HSPBAP1: variants seen among roughly 807,000 people sequenced by gnomAD.
HSPBAP1 encodes HSPB1 associated protein 1.
HSPBAP1 carries 27 observed loss-of-function variants against 45.2 expected under a neutral mutation model. That is an observed-to-expected ratio of 0.60 (90% confidence interval 0.44 to 0.82). The LOEUF is 0.82. HSPBAP1 is among the 40% of genes least tolerant of loss of function. The probability of loss-of-function intolerance (pLI) is 0.00; values close to 1 mark genes in which losing one functional copy is unlikely to be tolerated. For missense variants in HSPBAP1, 510 were observed against 590.9 expected (o/e 0.86, Z 1.42); for synonymous variants, 204 against 202.7 (o/e 1.01, Z -0.06).
At chr3:122,778,633 C>CG (rs1471589355) in intron 1 of HSPBAP1, among the ~76,000 whole-genome samples, 3 of 151,540 alleles carry the variant, frequency 2.0e-5, no homozygotes, top group African/African-American at 7.3e-5. Context: ...AGGTTCACGC[C>CG]GTTCTCCTGC....
rs765363204 is a variant in HSPBAP1 at position 122,745,926 on chromosome 3, T to C, written c.826-4813A>G. On this transcript the variant is annotated intron_variant, in intron 6 of 7. Coordinates refer to ENST00000306103, the MANE Select transcript of HSPBAP1 (RefSeq NM_024610.6). ...CAAACTGCAAAAGCTGCAGCCACAG[T>C]GCATAAGTGCTTAGTTAAAATGGAT... Among the ~76,000 whole-genome samples the C allele has an allele frequency of 7.5e-4, 114 of 152,218 alleles. 1 individual carries two copies. Among genetic ancestry groups the C allele is most frequent in the Non-Finnish European group, 2.5e-4 (17 of 68,040 alleles).
At chr3:122,756,565 G>T (rs976701752) in intron 4 of HSPBAP1, among the ~76,000 whole-genome samples, 12 of 152,008 alleles carry the variant, frequency 7.9e-5, no homozygotes, top group African/African-American at 2.9e-4. Flanking sequence ...AGGTGTGATG[G>T]TGTGTGCCTG....
intron 3 of HSPBAP1, among the ~76,000 whole-genome samples, chr3:122,762,495 T>G (rs1232813017): frequency 1.3e-5 from 2 of 152,164 alleles, no homozygotes; most frequent in African/African-American, 4.8e-5. Flanking sequence ...AGCAACTAAA[T>G]TATACCAAGG....
chr3:122,759,185 CCACACACACACACACA>C (rs10657578), intron 4 of HSPBAP1, 23 bp downstream of exon 4: 1 of 1,282,912 alleles, frequency 7.8e-7, no homozygotes, highest in African/African-American at 1.7e-5. Context: ...CATGTGCGTT[CCACACACACACACACA>C]CACACACACA....
At chr3:122,759,722 T>C (rs1224808085) in intron 3 of HSPBAP1, among the ~76,000 whole-genome samples, 1 of 152,208 alleles carries the variant, frequency 6.6e-6, no homozygotes, top group Non-Finnish European at 1.5e-5. Context: ...ATTATGCTGA[T>C]ATTTAGGGAA....
intron 1 of HSPBAP1, among the ~76,000 whole-genome samples, chr3:122,792,106 T>C (rs1424487509): frequency 6.6e-6 from 1 of 152,200 alleles, no homozygotes; most frequent in Non-Finnish European, 1.5e-5. Context: ...AGAGAGGTTA[T>C]AGAGTTTGGG....
chr3:122,755,213 G>T, intron 5 of HSPBAP1, 47 bp downstream of exon 5: 1 of 1,432,838 alleles, frequency 7.0e-7, no homozygotes, highest in Non-Finnish European at 9.3e-7. Flanking sequence ...GAGAGTTACA[G>T]CTGTGGTGTC....
At chr3:122,789,114 C>T (rs1256480318) in intron 1 of HSPBAP1, among the ~76,000 whole-genome samples, 1 of 152,128 alleles carries the variant, frequency 6.6e-6, no homozygotes, top group Non-Finnish European at 1.5e-5. Context: ...ACTCCTCCAC[C>T]CTTTGCCCCT....
intron 1 of HSPBAP1, among the ~76,000 whole-genome samples, chr3:122,791,105 T>C (rs1465915881): frequency 2.0e-5 from 3 of 152,210 alleles, no homozygotes; most frequent in Non-Finnish European, 4.4e-5. Context: ...ATCTTCACAA[T>C]AATCATGCAT....
intron 6 of HSPBAP1, among the ~76,000 whole-genome samples, chr3:122,747,172 A>G (rs1428763287): frequency 7.0e-6 from 1 of 143,334 alleles, no homozygotes; most frequent in Admixed American, 6.8e-5. Flanking sequence ...AGTGAGGAGC[A>G]TCTCTGCCCG....
chr3:122,740,416 G>A lies in HSPBAP1; in HGVS notation c.1396C>T (p.Leu466=), dbSNP rs761867999. 2 of 1,613,692 alleles carry A rather than the reference G, an allele frequency of 1.2e-6. No homozygotes were observed. Among genetic ancestry groups the A allele is most frequent in the Non-Finnish European group, 8.5e-7 (1 of 1,179,762 alleles). ...PQTFISTDDL[L]DCLVNPQVTR... is the part of the protein sequence containing the mutation. ...ACTTGTGGATTCACCAAGCAGTCCAGCAAGTCATCCGTAGAAATGAATGTT... is the reference window on the plus strand; with the variant it reads ...ACTTGTGGATTCACCAAGCAGTCCAACAAGTCATCCGTAGAAATGAATGTT... Residue 466 remains leucine, a synonymous_variant, in exon 8 of 8, where the codon CTG becomes TTG. Coordinates refer to ENST00000306103, the MANE Select transcript of HSPBAP1 (RefSeq NM_024610.6).
chr3:122,782,935 T>G (rs1196648472), intron 1 of HSPBAP1, among the ~76,000 whole-genome samples: 2 of 152,192 alleles, frequency 1.3e-5, no homozygotes, highest in African/African-American at 4.8e-5. Flanking sequence ...GGACAAAAAC[T>G]TGGAATCCCT....
At chr3:122,758,871 A>C (rs746945337) in intron 4 of HSPBAP1, 1 of 404,372 alleles carries the variant, frequency 2.5e-6, no homozygotes, top group South Asian at 1.8e-5. Flanking sequence ...ACAGAGCAAG[A>C]CTGTCTCAAA....
intron 6 of HSPBAP1, among the ~76,000 whole-genome samples, chr3:122,745,641 G>C (rs115761121): frequency 6.6e-6 from 1 of 152,186 alleles, no homozygotes. Flanking sequence ...CACTGTCATG[G>C]TATTTGCAGT....
intron 6 of HSPBAP1, among the ~76,000 whole-genome samples, chr3:122,747,951 T>TG (rs1464828941): frequency 6.6e-6 from 1 of 152,126 alleles, no homozygotes; most frequent in Non-Finnish European, 1.5e-5. Context: ...GGGGGAACGG[T>TG]GGGGAAAAGA....
At chr3:122,766,098 C>T (rs557236442) in intron 3 of HSPBAP1, among the ~76,000 whole-genome samples, 2 of 152,302 alleles carry the variant, frequency 1.3e-5, no homozygotes, top group East Asian at 1.9e-4. Context: ...TACAGCCAGA[C>T]ATCAAGAAGA....
chr3:122,792,640 C>G (rs889095485), intron 1 of HSPBAP1, among the ~76,000 whole-genome samples: 2 of 151,858 alleles, frequency 1.3e-5, no homozygotes, highest in Admixed American at 6.6e-5. Flanking sequence ...TCAGAAAGGC[C>G]CACCTCAGCG....
intron 5 of HSPBAP1, chr3:122,753,113 T>G: frequency 4.1e-6 from 2 of 487,864 alleles, no homozygotes; most frequent in Non-Finnish European, 5.3e-6. Context: ...ATTATAGAAG[T>G]GGTAAATCAG....
At chr3:122,793,480 T>C (rs1026885240) in intron 1 of HSPBAP1, 137 bp downstream of exon 1, 17 of 703,226 alleles carry the variant, frequency 2.4e-5, no homozygotes, top group South Asian at 5.4e-5. Flanking sequence ...CTAGAAAATA[T>C]AGATTTTTCT....
Sources: gnomAD v4.1 joint callset for allele counts (sites outside exome capture counted in the v4.1 genomes callset) on GRCh38, gnomAD v4.1.1 for gene constraint, MANE v1.5 for transcripts, NCBI Gene and HGNC (gene_info 2026-07-23, HGNC 2026-07-21) for gene names.